The following DMD variants were observed in gnomAD, a reference collection of about 807,000 sequenced individuals.
DMD encodes mutant dystrophin.
DMD carries 63 observed loss-of-function variants against 330.1 expected under a neutral mutation model. The observed-to-expected ratio is 0.19, with a 90% confidence interval of 0.16 to 0.24. The LOEUF (loss-of-function observed/expected upper bound fraction) is 0.24, where lower values mean the gene tolerates loss of function less well. DMD is among the 10% of genes least tolerant of loss of function. DMD has a pLI of 1.00. For missense variants in DMD, 3,344 were observed against 2,684.1 expected (o/e 1.25, Z -5.43); for synonymous variants, 1,223 against 959.8 (o/e 1.27, Z -5.07).
At chrX:33,161,123 C>T (rs1442733335) in intron 1 of DMD, among the ~76,000 whole-genome samples, 2 of 111,070 alleles carry the variant, frequency 1.8e-5, no homozygotes, top group Non-Finnish European at 3.8e-5. Context: ...TGTCCCAATC[C>T]TACAGATGAG....
At chrX:31,643,446 G>T (rs940494474) in intron 54 of DMD, among the ~76,000 whole-genome samples, 2 of 111,466 alleles carry the variant, frequency 1.8e-5, no homozygotes, top group Non-Finnish European at 3.8e-5. Context: ...CTTTCCTGAA[G>T]CATATATTTT....
At position 31,319,597 on chromosome X, in the gene DMD, C is replaced by T. The variant is rs544270847; in HGVS notation, c.9224+4001G>A. Among the ~76,000 whole-genome samples, 3 of 112,151 alleles carry T rather than the reference C, an allele frequency of 2.7e-5. No individual in the cohort carries two copies. The South Asian group carries it at 1.1e-3, about 42-fold the overall frequency. ...TATTAAGAAGTGGTCATGATGTATC[C>T]GAATTTTTAAGGTAAAATGTACTAG... On this transcript the variant is annotated intron_variant, in intron 62 of 78. Coordinates refer to ENST00000357033, the MANE Select transcript of DMD (RefSeq NM_004006.3).
chrX:32,564,626 T>C (rs2051464659), intron 16 of DMD, among the ~76,000 whole-genome samples: 3 of 112,274 alleles, frequency 2.7e-5, no homozygotes, highest in South Asian at 3.6e-4. Context: ...TATTACAATT[T>C]ATATTCATAT....
At chrX:32,212,075 T>G (rs2097095698) in intron 44 of DMD, among the ~76,000 whole-genome samples, 1 of 112,077 alleles carries the variant, frequency 8.9e-6, no homozygotes, top group Non-Finnish European at 1.9e-5. Flanking sequence ...CTAACATTAT[T>G]TGTGTCACTT....
rs764641911 is a variant in DMD at position 32,408,085 on chromosome X, G to T, written c.4233+3667C>A. ...ACATGTATACATATGCAACTAACCTGCACGTTGTGCACATGTACCCTAAAA... is the reference window on the plus strand; with the variant it reads ...ACATGTATACATATGCAACTAACCTTCACGTTGTGCACATGTACCCTAAAA... On this transcript the variant is annotated intron_variant, in intron 30 of 78. Coordinates refer to ENST00000357033, the MANE Select transcript of DMD (RefSeq NM_004006.3). Among the ~76,000 whole-genome samples the T allele has an allele frequency of 6.3e-5, 7 of 110,264 alleles. No individual in the cohort carries two copies. The South Asian group carries it at 2.0e-3, about 31-fold the overall frequency.
chrX:31,396,286 C>T (rs1467686107), intron 60 of DMD, among the ~76,000 whole-genome samples: 4 of 110,081 alleles, frequency 3.6e-5, no homozygotes, highest in African/African-American at 6.6e-5. Context: ...TACAGGCGCC[C>T]GCAACCACGC....
At chrX:31,467,154 A>C (rs773300273) in intron 59 of DMD, among the ~76,000 whole-genome samples, 1 of 111,227 alleles carries the variant, frequency 9.0e-6, no homozygotes, top group Admixed American at 9.6e-5. Context: ...AATACCCTTT[A>C]TTTCTTTCCC....
At chrX:32,135,701 C>G (rs1273827585) in intron 44 of DMD, among the ~76,000 whole-genome samples, 8 of 112,411 alleles carry the variant, frequency 7.1e-5, no homozygotes, top group Non-Finnish European at 1.5e-4. Flanking sequence ...GCCTGGGCAG[C>G]AGAGCAAGAC....
At chrX:31,818,373 C>A (rs1331545532) in intron 50 of DMD, among the ~76,000 whole-genome samples, 4 of 111,702 alleles carry the variant, frequency 3.6e-5, no homozygotes, top group African/African-American at 9.8e-5. Flanking sequence ...GAAGTCAAAA[C>A]TGGAACTTCC....
At chrX:31,539,780 G>T (rs1290507022) in intron 55 of DMD, among the ~76,000 whole-genome samples, 1 of 112,190 alleles carries the variant, frequency 8.9e-6, no homozygotes, top group East Asian at 2.8e-4. Flanking sequence ...GTGTGAAGAG[G>T]TAACAACTGG....
chrX:32,302,332 TATTG>T (rs1408568435), intron 42 of DMD, among the ~76,000 whole-genome samples: 14 of 111,224 alleles, frequency 1.3e-4, no homozygotes, highest in African/African-American at 4.6e-4. Flanking sequence ...GGGTTAAGTG[TATTG>T]AATGCATTTC....
At chrX:32,750,236 T>A (rs991478561) in intron 7 of DMD, among the ~76,000 whole-genome samples, 1 of 111,921 alleles carries the variant, frequency 8.9e-6, no homozygotes, top group African/African-American at 3.2e-5. Context: ...GAAAACTGAA[T>A]CATGTCTATC....
intron 48 of DMD, among the ~76,000 whole-genome samples, chrX:31,847,688 A>C (rs774270154): frequency 8.9e-6 from 1 of 112,175 alleles, no homozygotes; most frequent in Non-Finnish European, 1.9e-5. Flanking sequence ...TAAAAAACAA[A>C]GCAAGAAACA....
intron 10 of DMD, 134 bp downstream of exon 10, chrX:32,644,830 G>C (rs967819544): frequency 3.8e-6 from 3 of 785,317 alleles, no homozygotes; most frequent in Non-Finnish European, 5.6e-6. Flanking sequence ...AAATCTGACT[G>C]TTGGAATCCC....
At chrX:32,169,738 G>C (rs542735441) in intron 44 of DMD, among the ~76,000 whole-genome samples, 2 of 112,076 alleles carry the variant, frequency 1.8e-5, no homozygotes, top group South Asian at 7.4e-4. Flanking sequence ...CCATGGAAGA[G>C]AAAGTTCCAC....
At chrX:32,958,157 C>A (rs1884337059) in intron 2 of DMD, among the ~76,000 whole-genome samples, 1 of 111,231 alleles carries the variant, frequency 9.0e-6, no homozygotes, top group African/African-American at 3.3e-5. Context: ...TATGTTCGTT[C>A]CTAATTCTTG....
intron 59 of DMD, among the ~76,000 whole-genome samples, chrX:31,449,478 G>C (rs1427087450): frequency 1.8e-5 from 2 of 110,464 alleles, no homozygotes; most frequent in South Asian, 3.9e-4. Flanking sequence ...GGTTTCGTCA[G>C]ATGACTGTGG....
intron 60 of DMD, among the ~76,000 whole-genome samples, chrX:31,359,232 T>G (rs767919889): frequency 1.2e-4 from 13 of 112,472 alleles, no homozygotes; most frequent in Non-Finnish European, 2.3e-4. Flanking sequence ...ATTCCCCAAT[T>G]TGACAGTGTA....
intron 59 of DMD, among the ~76,000 whole-genome samples, chrX:31,453,442 G>A (rs2065909548): frequency 9.0e-6 from 1 of 110,866 alleles, no homozygotes; most frequent in South Asian, 3.8e-4. Flanking sequence ...GATTACAGGT[G>A]TGAGCCACCA....
Sources: gnomAD v4.1 joint callset for allele counts (sites outside exome capture counted in the v4.1 genomes callset) on GRCh38, gnomAD v4.1.1 for gene constraint, MANE v1.5 for transcripts, NCBI Gene and HGNC (gene_info 2026-07-23, HGNC 2026-07-21) for gene names.